The following ANTXR2 variants were observed in gnomAD, a reference collection of about 807,000 sequenced individuals.
The protein encoded by ANTXR2 is ANTXR cell adhesion molecule 2.
In ANTXR2, 44 loss-of-function variants were observed where a neutral mutation model predicts 73.7. The observed-to-expected ratio is 0.60, with a 90% CI of 0.47 to 0.77. The LOEUF (loss-of-function observed/expected upper bound fraction) is 0.77, where lower values mean the gene tolerates loss of function less well. Ranked by LOEUF, ANTXR2 falls within the 30% of genes least tolerant of loss-of-function variation. The probability of loss-of-function intolerance (pLI) is 0.00; values close to 1 mark genes in which losing one functional copy is unlikely to be tolerated. For missense variants in ANTXR2, 604 were observed against 592.5 expected, an observed-to-expected ratio of 1.02 and a Z score of -0.20; for synonymous variants, 217 against 205.9, an observed-to-expected ratio of 1.05 and a Z score of -0.46.
At chr4:80,062,372 T>C (rs1734303342) in intron 3 of ANTXR2, among the ~76,000 whole-genome samples, 3 of 152,200 alleles carry the variant, frequency 2.0e-5, no homozygotes, top group Admixed American at 2.0e-4. Flanking sequence ...TACTAAATCA[T>C]GAAAAATCAA....
intron 12 of ANTXR2, among the ~76,000 whole-genome samples, chr4:79,991,267 C>T (rs1280729365): frequency 1.3e-5 from 2 of 151,754 alleles, no homozygotes; most frequent in Non-Finnish European, 2.9e-5. Context: ...AACAAACAAC[C>T]TCATTTAAAA....
At chr4:80,055,704 A>G (rs1733965201) in intron 4 of ANTXR2, among the ~76,000 whole-genome samples, 1 of 151,948 alleles carries the variant, frequency 6.6e-6, no homozygotes, top group African/African-American at 2.4e-5. Context: ...TCTTAATATA[A>G]CCACAAGGGA....
intron 7 of ANTXR2, among the ~76,000 whole-genome samples, chr4:80,040,953 A>C (rs1243087609): frequency 6.6e-6 from 1 of 152,066 alleles, no homozygotes; most frequent in Non-Finnish European, 1.5e-5. Context: ...CAAAAAGTCA[A>C]ATTTTCTAAA....
chr4:79,909,770 AC>A (rs1332605141), intron 16 of ANTXR2, among the ~76,000 whole-genome samples: 1 of 152,190 alleles, frequency 6.6e-6, no homozygotes, highest in Admixed American at 6.5e-5. Flanking sequence ...AGTGCTTTTT[AC>A]TTTTATCAAC....
chr4:79,975,542 TA>T (rs1217387717), intron 16 of ANTXR2, among the ~76,000 whole-genome samples: 7 of 152,242 alleles, frequency 4.6e-5, no homozygotes, highest in Non-Finnish European at 1.0e-4. Context: ...TGTCTGTTTT[TA>T]TTGGCTAGTA....
chr4:80,069,657 C>T, intron 2 of ANTXR2, 150 bp from the exon 3 acceptor site: 4 of 631,414 alleles, frequency 6.3e-6, no homozygotes, highest in Non-Finnish European at 1.1e-5. Context: ...AATAGACGAA[C>T]TCTGCTTAAC....
chr4:80,023,372 A>C (rs949794020), intron 10 of ANTXR2, among the ~76,000 whole-genome samples: 2 of 152,338 alleles, frequency 1.3e-5, no homozygotes, highest in South Asian at 4.1e-4. Flanking sequence ...CTGCCAATAA[A>C]ATCACTCAAT....
chr4:80,067,924 G>A (rs1244043808), intron 3 of ANTXR2, among the ~76,000 whole-genome samples: 1 of 152,114 alleles, frequency 6.6e-6, no homozygotes, highest in Non-Finnish European at 1.5e-5. Context: ...AACTACCACG[G>A]CACACGTTTA....
At chr4:79,931,077 C>T (rs893047576) in intron 16 of ANTXR2, among the ~76,000 whole-genome samples, 2 of 152,158 alleles carry the variant, frequency 1.3e-5, no homozygotes, top group Admixed American at 6.5e-5. Context: ...TTTATCAATA[C>T]AAAGTCCAAT....
At chr4:79,926,886 T>TGTGTGTGTATATACAC (rs1234597901) in intron 16 of ANTXR2, among the ~76,000 whole-genome samples, 2 of 151,974 alleles carry the variant, frequency 1.3e-5, no homozygotes, top group Non-Finnish European at 2.9e-5. Flanking sequence ...TGTGTATATA[T>TGTGTGTGTATATACAC]ATGTGTGTAT....
chr4:79,915,093 G>A (rs113577269), intron 16 of ANTXR2, among the ~76,000 whole-genome samples: 24 of 152,208 alleles, frequency 1.6e-4, no homozygotes, highest in African/African-American at 5.8e-4. Context: ...CATTTTCCCA[G>A]AAATTGTTGC....
chr4:79,902,351 A>T lies in ANTXR2; in HGVS notation c.*5078T>A, dbSNP rs1274125100. The T allele has an allele frequency of 1.3e-5, 2 of 152,164 alleles. No homozygotes were observed. The highest frequency in any genetic ancestry group is 2.9e-5 in the Non-Finnish European group (2 of 68,036). The allele number at this position is 152,164 out of a possible 1,614,324, so 9.4% of individuals were successfully genotyped here. On this transcript the variant is annotated 3_prime_UTR_variant, in exon 17 of 17. Transcript: ENST00000403729. ...GTTCAAATTACTTACTTAGTAAAGT[A>T]TTTTCCACTGAATACTTGCTATGGG...
chr4:80,059,803 G>T (rs947543700), intron 3 of ANTXR2, among the ~76,000 whole-genome samples: 1 of 152,060 alleles, frequency 6.6e-6, no homozygotes, highest in Non-Finnish European at 1.5e-5. Context: ...CACCACAACT[G>T]CCATGCACTG....
At chr4:79,997,433 T>G (rs1730782176) in intron 12 of ANTXR2, among the ~76,000 whole-genome samples, 1 of 151,922 alleles carries the variant, frequency 6.6e-6, no homozygotes, top group South Asian at 2.1e-4. Flanking sequence ...TTAAAATATA[T>G]GGGGGTCTTC....
At chr4:79,911,739 A>T (rs563944634) in intron 16 of ANTXR2, among the ~76,000 whole-genome samples, 50 of 152,102 alleles carry the variant, frequency 3.3e-4, no homozygotes, top group Middle Eastern at 3.4e-3. Context: ...TGTTATTATT[A>T]TGAAGAAAAT....
intron 16 of ANTXR2, among the ~76,000 whole-genome samples, chr4:79,911,636 T>C (rs1727142601): frequency 6.6e-6 from 1 of 151,910 alleles, no homozygotes; most frequent in African/African-American, 2.4e-5. Context: ...AATGAATGAA[T>C]GTATAATATT....
intron 7 of ANTXR2, among the ~76,000 whole-genome samples, chr4:80,041,211 T>G (rs779249356): frequency 1.9e-4 from 29 of 152,060 alleles, no homozygotes; most frequent in Non-Finnish European, 4.1e-4. Context: ...TCCCCAGGTT[T>G]TATTGAGTCC....
intron 16 of ANTXR2, among the ~76,000 whole-genome samples, chr4:79,934,947 G>C (rs1204727666): frequency 6.6e-6 from 1 of 151,992 alleles, no homozygotes; most frequent in African/African-American, 2.4e-5. Context: ...TGGGCCTTCT[G>C]TTAAGAAAAC....
At chr4:79,925,390 A>G (rs1727745125) in intron 16 of ANTXR2, among the ~76,000 whole-genome samples, 1 of 151,846 alleles carries the variant, frequency 6.6e-6, no homozygotes, top group African/African-American at 2.4e-5. Context: ...AATTTAACAT[A>G]TGTTTAAAAC....
Sources: allele counts gnomAD v4.1 joint callset (sites outside exome capture counted in the v4.1 genomes callset), GRCh38; gene constraint gnomAD v4.1.1; transcripts MANE v1.5; gene names NCBI Gene and HGNC (gene_info 2026-07-23, HGNC 2026-07-21).